Variants in PIK3CB observed in about 807,000 individuals in gnomAD.
PIK3CB encodes phosphatidylinositol 4,5-bisphosphate 3-kinase catalytic subunit beta isoform.
A neutral mutation model predicts 136.8 loss-of-function variants in PIK3CB; 39 were observed. The ratio of observed to expected loss-of-function variants is 0.29; its 90% CI spans 0.22 to 0.37. The LOEUF is 0.37. Ranked by LOEUF, PIK3CB falls within the 10% of genes least tolerant of loss-of-function variation. The probability of loss-of-function intolerance (pLI) is 1.00; values close to 1 mark genes in which losing one functional copy is unlikely to be tolerated. For synonymous variants in PIK3CB, 428 were observed against 436.6 expected (o/e 0.98, Z 0.25); for missense variants, 868 against 1,275.4 (o/e 0.68, Z 4.87).
intron 16 of PIK3CB, 151 bp downstream of exon 16, chr3:138,688,724 T>G: frequency 1.8e-6 from 1 of 551,272 alleles, no homozygotes; most frequent in East Asian, 2.9e-5. Context: ...GAGACTTCTA[T>G]GAAATAATGT....
intron 2 of PIK3CB, among the ~76,000 whole-genome samples, chr3:138,762,083 C>T (rs2045670868): frequency 6.6e-6 from 1 of 151,150 alleles, no homozygotes; most frequent in Non-Finnish European, 1.5e-5. Flanking sequence ...CCTGTCTCTA[C>T]TAAAAATACA....
rs568448342 is a variant in PIK3CB, at chr3:138,701,267, G to A, written c.1582-2172C>T. ...CAAAAAAACACTGAAGAACTGTTTC[G>A]GACTGAAGGAAGCTAAATATACCTG... On this transcript the variant is annotated intron_variant, in intron 12 of 23. Coordinates refer to ENST00000674063, the MANE Select transcript of PIK3CB (RefSeq NM_006219.3). Among the ~76,000 whole-genome samples the A allele has an allele frequency of 7.9e-5, 12 of 151,066 alleles. No homozygotes were observed. In the South Asian group the frequency reaches 2.1e-3, roughly 26 times the overall value.
chr3:138,818,861 CTT>C (rs1284131982), intron 1 of PIK3CB, among the ~76,000 whole-genome samples: 1 of 152,030 alleles, frequency 6.6e-6, no homozygotes, highest in Non-Finnish European at 1.5e-5. Context: ...TATATAGAGT[CTT>C]AACTGTAATA....
intron 2 of PIK3CB, chr3:138,778,443 C>A: frequency 3.8e-6 from 1 of 260,712 alleles, no homozygotes; most frequent in South Asian, 3.8e-5. Flanking sequence ...ACTCCTGTAC[C>A]TACTGGTGCT....
At chr3:138,689,123 T>G in intron 15 of PIK3CB, 149 bp from the exon 16 acceptor site, 1 of 598,020 alleles carries the variant, frequency 1.7e-6, no homozygotes, top group Non-Finnish European at 3.1e-6. Flanking sequence ...TTCCTTCCTT[T>G]TTTGAGAGTC....
chr3:138,828,193 T>TC (rs1933868231), intron 1 of PIK3CB, among the ~76,000 whole-genome samples: 1 of 147,414 alleles, frequency 6.8e-6, no homozygotes, highest in African/African-American at 2.5e-5. Flanking sequence ...CCTTTTTTTT[T>TC]TTTTTTTTTT....
chr3:138,665,725 C>T (rs376897148), intron 19 of PIK3CB, among the ~76,000 whole-genome samples: 4 of 151,922 alleles, frequency 2.6e-5, no homozygotes, highest in Admixed American at 2.6e-4. Flanking sequence ...TGTGCCACCA[C>T]GCCGGGCTAA....
chr3:138,662,113 C>CT (rs1173189507), intron 21 of PIK3CB, among the ~76,000 whole-genome samples: 1,742 of 136,092 alleles, frequency 0.013, 34 homozygotes, highest in African/African-American at 0.04. Flanking sequence ...CATTGGTAAT[C>CT]TTTTTTTTTT....
intron 2 of PIK3CB, among the ~76,000 whole-genome samples, chr3:138,774,989 G>A (rs969677367): frequency 2.0e-5 from 3 of 152,206 alleles, no homozygotes; most frequent in African/African-American, 7.2e-5. Flanking sequence ...TTGTTTGTCT[G>A]TTTTAAACCT....
rs184928099 is a variant in PIK3CB at position 138,739,010 on chromosome 3, G to C, written c.622-1124C>G. ...TTTCTATGAGTTGGTGCCTGCCATAGACTGAATGTTTGTGTCTCCCCTGGC... is the reference window on the plus strand; with the variant it reads ...TTTCTATGAGTTGGTGCCTGCCATACACTGAATGTTTGTGTCTCCCCTGGC... On this transcript the variant is annotated intron_variant, in intron 5 of 23. Transcript: ENST00000674063. 1.5e-4 allele frequency among the ~76,000 whole-genome samples: 23 copies of C among 152,216 alleles called. No homozygotes were observed. The East Asian group carries it at 4.2e-3, about 28-fold the overall frequency.
rs1312893752 is a variant in PIK3CB at position 138,705,155 on chromosome 3, C to CAAA, written c.1531-665_1531-663dup. Among the ~76,000 whole-genome samples the CAAA allele has an allele frequency of 4.4e-3, 132 of 29,792 alleles. 17 individuals are homozygous for CAAA. The highest frequency in any genetic ancestry group is 8.6e-3 in the East Asian group (2 of 232). The allele number at this position is 29,792 out of a possible 152,430, so 19.5% of individuals were successfully genotyped here. On this transcript the variant is annotated intron_variant, in intron 11 of 23. Transcript: ENST00000674063. ...AAGACTCTCCAAGAGATTAGAAAGGCAAAAAAAAAAAAAAAAAACAAAAAA... is the reference window on the plus strand; with the variant it reads ...AAGACTCTCCAAGAGATTAGAAAGGCAAAAAAAAAAAAAAAAAAAAACAAAAAA...
intron 1 of PIK3CB, among the ~76,000 whole-genome samples, chr3:138,804,911 G>A (rs1048369126): frequency 6.6e-6 from 1 of 152,138 alleles, no homozygotes; most frequent in Non-Finnish European, 1.5e-5. Flanking sequence ...TGTAGTCCCA[G>A]CTACTCGGAA....
At chr3:138,714,279 C>T (rs1258937714) in intron 9 of PIK3CB, among the ~76,000 whole-genome samples, 189 bp downstream of exon 9, 1 of 151,896 alleles carries the variant, frequency 6.6e-6, no homozygotes, top group Non-Finnish European at 1.5e-5. Flanking sequence ...AATGCATGAA[C>T]ATAAACATAA....
chr3:138,756,601 G>A lies in PIK3CB; in HGVS notation c.172-622C>T, dbSNP rs999292511. Among the ~76,000 whole-genome samples the A allele has an allele frequency of 3.9e-5, 6 of 152,088 alleles. No individual in the cohort carries two copies. In the South Asian group the frequency reaches 6.2e-4, roughly 16 times the overall value. On this transcript the variant is annotated intron_variant, in intron 3 of 23. Coordinates refer to ENST00000674063, the MANE Select transcript of PIK3CB (RefSeq NM_006219.3). ...GTCTCCTGGATGAGATAATATAAAA[G>A]AAGTTCACCACACAAAAACAAAAAG... is the stretch of plus-strand genomic sequence containing the variant.
chr3:138,781,291 C>CA (rs60812016), intron 2 of PIK3CB, among the ~76,000 whole-genome samples: 4,332 of 113,444 alleles, frequency 0.038, 178 homozygotes, highest in African/African-American at 0.12. Context: ...GATCTTATCT[C>CA]AAAAAAAAAA....
chr3:138,749,015 C>G (rs1244348502), intron 4 of PIK3CB, among the ~76,000 whole-genome samples: 1 of 152,010 alleles, frequency 6.6e-6, no homozygotes, highest in Non-Finnish European at 1.5e-5. Context: ...AAATAAAACA[C>G]AGCAAAGGTA....
At chr3:138,827,905 G>A (rs1410411477) in intron 1 of PIK3CB, among the ~76,000 whole-genome samples, 2 of 151,470 alleles carry the variant, frequency 1.3e-5, no homozygotes, top group African/African-American at 4.8e-5. Flanking sequence ...GGAAAATGGC[G>A]TGAACCTGGG....
At chr3:138,795,270 A>G (rs1415027405) in intron 2 of PIK3CB, among the ~76,000 whole-genome samples, 2 of 148,044 alleles carry the variant, frequency 1.4e-5, no homozygotes, top group African/African-American at 5.0e-5. Flanking sequence ...CAGTGAGCCG[A>G]GATCACACCA....
At chr3:138,703,310 C>T (rs934055879) in intron 12 of PIK3CB, among the ~76,000 whole-genome samples, 4 of 152,190 alleles carry the variant, frequency 2.6e-5, no homozygotes, top group Non-Finnish European at 4.4e-5. Flanking sequence ...CTAGGCCAGA[C>T]ATTTCACCAA....
Sources: allele counts gnomAD v4.1 joint callset (sites outside exome capture counted in the v4.1 genomes callset), GRCh38; gene constraint gnomAD v4.1.1; transcripts MANE v1.5; gene names NCBI Gene and HGNC (gene_info 2026-07-23, HGNC 2026-07-21).